The following LRRTM4 variants were observed in gnomAD, a reference collection of about 807,000 sequenced individuals.
LRRTM4 encodes leucine rich repeat transmembrane neuronal 4.
In LRRTM4, 25 loss-of-function variants were observed where a neutral mutation model predicts 47.6. The ratio of observed to expected loss-of-function variants is 0.53; its 90% CI spans 0.38 to 0.73. LRRTM4 has a LOEUF of 0.73. Among genes scored for constraint, LRRTM4 ranks in the 30% least tolerant of loss-of-function variants. The pLI is 0.00. For missense variants in LRRTM4, 638 were observed against 713.4 expected (o/e 0.89, Z 1.20); for synonymous variants, 311 against 269.5 (o/e 1.15, Z -1.51).
intron 3 of LRRTM4, among the ~76,000 whole-genome samples, chr2:77,362,174 G>GAAAGAAAGAAAGAAAGAAAGA (rs1491583250): frequency 2.5e-5 from 2 of 78,936 alleles, no homozygotes; most frequent in Non-Finnish European, 5.2e-5. Context: ...AGAAAGAAAG[G>GAAAGAAAGAAAGAAAGAAAGA]AAGGAAGGAA....
chr2:77,495,339 G>C (rs1678320483), intron 3 of LRRTM4, among the ~76,000 whole-genome samples: 1 of 151,920 alleles, frequency 6.6e-6, no homozygotes. Flanking sequence ...ATTTCTCTCA[G>C]TCCATGGCTT....
At chr2:77,183,682 A>T (rs1443764226) in intron 3 of LRRTM4, among the ~76,000 whole-genome samples, 1 of 152,188 alleles carries the variant, frequency 6.6e-6, no homozygotes, top group Non-Finnish European at 1.5e-5. Flanking sequence ...GAACCAAGCC[A>T]AATATCCAAC....
chr2:76,862,474 A>T (rs1483015960), intron 3 of LRRTM4, among the ~76,000 whole-genome samples: 1 of 152,096 alleles, frequency 6.6e-6, no homozygotes, highest in Admixed American at 6.6e-5. Context: ...CTGAGGTGAG[A>T]ATCAAATGCT....
rs1553422171 is a variant in LRRTM4, at chr2:77,285,344, A to ATATATATATAAATT, written c.1551+232973_1551+232974insAATTTATATATATA. 2.3e-3 allele frequency among the ~76,000 whole-genome samples: 314 copies of ATATATATATAAATT among 133,664 alleles called. 2 individuals are homozygous for ATATATATATAAATT. Among genetic ancestry groups the ATATATATATAAATT allele is most frequent in the South Asian group, 0.011 (48 of 4,282 alleles). The allele number at this position is 133,664 out of a possible 152,430, so 87.7% of individuals were successfully genotyped here. ...TAATTCTACTCAGCATTAAATTTAT[A>ATATATATATAAATT]TATATATATATATATATATGGCCAA... On this transcript the variant is annotated intron_variant, in intron 3 of 3. Coordinates refer to ENST00000409884, the MANE Select transcript of LRRTM4 (RefSeq NM_001134745.3).
intron 3 of LRRTM4, among the ~76,000 whole-genome samples, chr2:77,100,172 C>T (rs1670915688): frequency 6.6e-6 from 1 of 151,920 alleles, no homozygotes; most frequent in South Asian, 2.1e-4. Flanking sequence ...ATGTTGACTG[C>T]GATAGAAGAG....
chr2:77,075,215 A>G (rs755330537), intron 3 of LRRTM4, among the ~76,000 whole-genome samples: 9 of 152,224 alleles, frequency 5.9e-5, no homozygotes, highest in Non-Finnish European at 8.8e-5. Context: ...CAAAACTTAT[A>G]CAGAAATTGA....
intron 3 of LRRTM4, among the ~76,000 whole-genome samples, chr2:76,962,131 A>G (rs1004834656): frequency 2.6e-5 from 4 of 151,290 alleles, no homozygotes; most frequent in African/African-American, 7.3e-5. Flanking sequence ...GTAGTAAACT[A>G]TATGTTTAAG....
chr2:76,773,975 T>C (rs989418786), intron 3 of LRRTM4, among the ~76,000 whole-genome samples: 1 of 151,946 alleles, frequency 6.6e-6, no homozygotes, highest in Admixed American at 6.6e-5. Flanking sequence ...GAGAAAAAAA[T>C]ATATAGCGGA....
chr2:77,145,800 T>TAAATA (rs1558603904), intron 3 of LRRTM4, among the ~76,000 whole-genome samples: 5 of 150,880 alleles, frequency 3.3e-5, no homozygotes, highest in Admixed American at 2.6e-4. Flanking sequence ...AATAAATAAA[T>TAAATA]AAATAAAATA....
intron 3 of LRRTM4, among the ~76,000 whole-genome samples, chr2:76,853,199 G>A (rs1319169806): frequency 1.3e-5 from 2 of 152,102 alleles, no homozygotes; most frequent in Non-Finnish European, 2.9e-5. Flanking sequence ...GTACAGTGTG[G>A]AGAATAAATG....
intron 3 of LRRTM4, among the ~76,000 whole-genome samples, chr2:76,891,220 C>CA (rs1161128798): frequency 1.3e-5 from 2 of 151,632 alleles, no homozygotes; most frequent in Non-Finnish European, 3.0e-5. Context: ...AAAAACAAAA[C>CA]AAAAAAATCT....
At position 76,872,376 on chromosome 2, in the gene LRRTM4, C is replaced by T. The variant is rs368515126; in HGVS notation, c.1552-123460G>A. 4.6e-5 allele frequency among the ~76,000 whole-genome samples: 7 copies of T among 151,922 alleles called. 1 individual carries two copies. Among genetic ancestry groups the T allele is most frequent in the Admixed American group, 2.6e-4 (4 of 15,236 alleles). On this transcript the variant is annotated intron_variant, in intron 3 of 3. Transcript: ENST00000409884. ...AATTGCATTGCAAAATATGTTTGCA[C>T]GCAATGTAATGGTTCTTTGAGTGCT...
chr2:76,792,374 A>T (rs1675020558), intron 3 of LRRTM4, among the ~76,000 whole-genome samples: 2 of 152,190 alleles, frequency 1.3e-5, no homozygotes, highest in Admixed American at 1.3e-4. Flanking sequence ...GAAAGTGGTT[A>T]TAGAAGGCTA....
At chr2:77,008,379 A>G (rs1163169262) in intron 3 of LRRTM4, among the ~76,000 whole-genome samples, 1 of 152,186 alleles carries the variant, frequency 6.6e-6, no homozygotes, top group African/African-American at 2.4e-5. Context: ...AAGCAGAATC[A>G]TGGAGATATC....
chr2:77,191,501 C>T (rs1484234704), intron 3 of LRRTM4, among the ~76,000 whole-genome samples: 2 of 151,340 alleles, frequency 1.3e-5, no homozygotes, highest in Non-Finnish European at 3.0e-5. Context: ...TAATTAAAAA[C>T]AAAAAAGCAG....
intron 3 of LRRTM4, among the ~76,000 whole-genome samples, chr2:77,090,749 G>A (rs1172809744): frequency 6.6e-6 from 1 of 152,108 alleles, no homozygotes; most frequent in South Asian, 2.1e-4. Context: ...CTGGAAATCG[G>A]ACTGTTCAAC....
chr2:77,300,389 A>G (rs1677103059), intron 3 of LRRTM4, among the ~76,000 whole-genome samples: 1 of 152,186 alleles, frequency 6.6e-6, no homozygotes, highest in African/African-American at 2.4e-5. Flanking sequence ...AGAGGACAAA[A>G]TAACTAAGAG....
chr2:77,122,436 G>T (rs1326490104), intron 3 of LRRTM4, among the ~76,000 whole-genome samples: 1 of 149,824 alleles, frequency 6.7e-6, no homozygotes, highest in Non-Finnish European at 1.5e-5. Context: ...TGTGTGTATA[G>T]ATATACATAT....
chr2:77,170,501 C>G (rs1192462293), intron 3 of LRRTM4, among the ~76,000 whole-genome samples: 1 of 152,124 alleles, frequency 6.6e-6, no homozygotes, highest in Non-Finnish European at 1.5e-5. Flanking sequence ...CTAGAGAAAC[C>G]TGGGTGAGAC....
Sources: allele counts gnomAD v4.1 joint callset (sites outside exome capture counted in the v4.1 genomes callset), GRCh38; gene constraint gnomAD v4.1.1; transcripts MANE v1.5; gene names NCBI Gene and HGNC (gene_info 2026-07-23, HGNC 2026-07-21).